Variants in CYRIB observed in about 807,000 individuals in gnomAD.
CYRIB encodes CYFIP-related Rac1 interactor B.
In CYRIB, 8 loss-of-function variants were observed where a neutral mutation model predicts 44.2. That is an observed-to-expected ratio of 0.18 (90% CI 0.11 to 0.33). CYRIB has a LOEUF of 0.33. Among genes scored for constraint, CYRIB ranks in the 10% least tolerant of loss-of-function variants. The pLI, the probability that CYRIB is intolerant of heterozygous loss-of-function variation, is 1.00. For missense variants in CYRIB, 185 were observed against 382.8 expected (o/e 0.48, Z 4.31); for synonymous variants, 131 against 127.2 (o/e 1.03, Z -0.20).
exon 3 of CYRIB, chr8:129,879,462 G>A (rs779538408): frequency 6.2e-7 from 1 of 1,607,542 alleles, no homozygotes; most frequent in African/African-American, 1.3e-5. Context: ...GATTCCCCAT[G>A]TTAAGGTACC....
chr8:129,950,319 C>T (rs1485770339), intron 2 of CYRIB, among the ~76,000 whole-genome samples: 2 of 152,212 alleles, frequency 1.3e-5, no homozygotes, highest in African/African-American at 2.4e-5. Context: ...CCTGTAATCC[C>T]AGCACTTTGG....
At chr8:129,972,577 A>G (rs1439517487) in intron 1 of CYRIB, among the ~76,000 whole-genome samples, 1 of 152,042 alleles carries the variant, frequency 6.6e-6, no homozygotes, top group Non-Finnish European at 1.5e-5. Flanking sequence ...GTCTCCAAAG[A>G]AAATAAAAAA....
chr8:129,959,059 C>CAAAA (rs60576774), intron 2 of CYRIB, among the ~76,000 whole-genome samples: 16 of 68,340 alleles, frequency 2.3e-4, no homozygotes, highest in East Asian at 7.9e-4. Flanking sequence ...GACTCTGTCT[C>CAAAA]AAAAAAAAAA....
At chr8:129,985,892 A>G (rs1216899777) in intron 1 of CYRIB, among the ~76,000 whole-genome samples, 1 of 152,130 alleles carries the variant, frequency 6.6e-6, no homozygotes, top group Non-Finnish European at 1.5e-5. Flanking sequence ...CCCCAGCCCT[A>G]CCCTGAACAC....
At chr8:129,876,027 T>C (rs1297801687) in intron 3 of CYRIB, among the ~76,000 whole-genome samples, 1 of 151,530 alleles carries the variant, frequency 6.6e-6, no homozygotes, top group African/African-American at 2.4e-5. Context: ...GGTAGGAGAA[T>C]CACTTGAACC....
At chr8:129,886,573 T>C (rs2062835134) in intron 2 of CYRIB, among the ~76,000 whole-genome samples, 1 of 152,180 alleles carries the variant, frequency 6.6e-6, no homozygotes, top group South Asian at 2.1e-4. Context: ...CAGCATCTTT[T>C]GTTTCTCTCC....
At chr8:130,006,633 T>TATATGTATATATATACAC (rs1216075194) in intron 1 of CYRIB, among the ~76,000 whole-genome samples, 8 of 131,236 alleles carry the variant, frequency 6.1e-5, no homozygotes, top group Admixed American at 8.2e-5. Context: ...TATATACATA[T>TATATGTATATATATACAC]ATATGTGTAT....
chr8:129,923,377 C>T (rs561256831), intron 1 of CYRIB, among the ~76,000 whole-genome samples: 22 of 151,910 alleles, frequency 1.4e-4, no homozygotes, highest in Middle Eastern at 6.8e-3. Flanking sequence ...CAGGTTCAAG[C>T]GATTCTCGTT....
At chr8:129,943,790 G>A (rs1363915968), upstream of CYRIB, among the ~76,000 whole-genome samples, 1 of 150,098 alleles carries the variant, frequency 6.7e-6, no homozygotes, top group African/African-American at 2.4e-5. Flanking sequence ...TAGTAGAGAC[G>A]GGGTTTCACC....
intron 2 of CYRIB, among the ~76,000 whole-genome samples, chr8:129,967,364 T>C (rs532073839): frequency 9.9e-5 from 15 of 151,572 alleles, no homozygotes; most frequent in African/African-American, 3.7e-4. Context: ...TTGTTTTGTT[T>C]TGTTTTGTTT....
chr8:129,911,754 G>A (rs936764827), intron 1 of CYRIB, among the ~76,000 whole-genome samples: 3 of 152,054 alleles, frequency 2.0e-5, no homozygotes, highest in African/African-American at 4.8e-5. Flanking sequence ...CTGAGGCAAG[G>A]GCTAAATTAA....
chr8:129,862,277 G>A, exon 5 of CYRIB: 1 of 1,613,534 alleles, frequency 6.2e-7, no homozygotes, highest in Non-Finnish European at 8.5e-7. Context: ...CCTACTAGTG[G>A]AACAACTGCA....
chr8:129,990,049 G>A (rs868291771), intron 1 of CYRIB, among the ~76,000 whole-genome samples: 3 of 151,838 alleles, frequency 2.0e-5, no homozygotes, highest in Admixed American at 1.3e-4. Context: ...TTGACTTTCC[G>A]AGGCAGTAAG....
intron 1 of CYRIB, among the ~76,000 whole-genome samples, chr8:129,987,311 C>T (rs2096490727): frequency 6.6e-6 from 1 of 152,172 alleles, no homozygotes; most frequent in South Asian, 2.1e-4. Context: ...TGGTTACTGT[C>T]ACTTGCAACA....
At chr8:129,975,069 C>T (rs2095860018) in intron 1 of CYRIB, among the ~76,000 whole-genome samples, 1 of 152,076 alleles carries the variant, frequency 6.6e-6, no homozygotes, top group South Asian at 2.1e-4. Context: ...CTAGTAGAAA[C>T]AGGGTTTCAC....
intron 1 of CYRIB, among the ~76,000 whole-genome samples, chr8:129,988,555 T>A (rs960105217): frequency 7.9e-5 from 12 of 152,184 alleles, no homozygotes; most frequent in African/African-American, 2.7e-4. Flanking sequence ...TCTCTGAGGA[T>A]GAGGGTAACT....
At chr8:129,856,111 T>C (rs1232425476) in intron 5 of CYRIB, among the ~76,000 whole-genome samples, 1 of 152,246 alleles carries the variant, frequency 6.6e-6, no homozygotes, top group Non-Finnish European at 1.5e-5. Context: ...TGGTAACTAT[T>C]ATCTACAGCT....
chr8:129,962,286 A>G (rs1272844639), intron 2 of CYRIB, among the ~76,000 whole-genome samples: 1 of 151,944 alleles, frequency 6.6e-6, no homozygotes, highest in African/African-American at 2.4e-5. Flanking sequence ...GAAGGACAGA[A>G]AAAGAAAAAA....
intron 1 of CYRIB, among the ~76,000 whole-genome samples, chr8:129,932,292 A>T (rs958936437): frequency 3.3e-5 from 5 of 152,096 alleles, no homozygotes; most frequent in African/African-American, 1.2e-4. Context: ...TCTTTTCAAG[A>T]ATGTTTGTAG....
Sources: allele counts gnomAD v4.1 joint callset (sites outside exome capture counted in the v4.1 genomes callset), GRCh38; gene constraint gnomAD v4.1.1; transcripts MANE v1.5; gene names NCBI Gene and HGNC (gene_info 2026-07-23, HGNC 2026-07-21).